The following SLIT3 variants were observed in gnomAD, a reference collection of about 807,000 sequenced individuals.
SLIT3 encodes slit homolog 3 protein.
Under a neutral mutation model 184.0 loss-of-function variants are expected in SLIT3, and 68 were observed. The ratio of observed to expected loss-of-function variants is 0.37; its 90% confidence interval spans 0.30 to 0.45. SLIT3 has a LOEUF of 0.45. SLIT3 is among the 20% of genes least tolerant of loss of function. The pLI is 1.00. For missense variants in SLIT3, 1,707 were observed against 2,026.0 expected (o/e 0.84, Z 3.02); for synonymous variants, 831 against 828.6 (o/e 1.00, Z -0.05).
At chr5:169,070,265 A>T (rs575403448) in intron 4 of SLIT3, among the ~76,000 whole-genome samples, 1 of 152,274 alleles carries the variant, frequency 6.6e-6, no homozygotes, top group East Asian at 1.9e-4. Flanking sequence ...TTGAAGGGGC[A>T]TCCTGGGGAA....
chr5:168,790,087 A>G (rs1756311086), intron 10 of SLIT3: 1 of 157,616 alleles, frequency 6.3e-6, no homozygotes, highest in South Asian at 1.9e-4. Context: ...TTTCTCCCAG[A>G]AAGTCCAGAG....
At chr5:169,119,901 C>G (rs1445340238) in intron 4 of SLIT3, 1 of 152,170 alleles carries the variant, frequency 6.6e-6, no homozygotes, top group East Asian at 1.9e-4. Context: ...ACAATCCTAT[C>G]AGAACCCTCA....
chr5:168,890,689 G>T (rs75171343), intron 4 of SLIT3, among the ~76,000 whole-genome samples: 1 of 152,190 alleles, frequency 6.6e-6, no homozygotes, highest in Non-Finnish European at 1.5e-5. Flanking sequence ...AGAAGTGGTA[G>T]AAGAATAGAT....
intron 4 of SLIT3, among the ~76,000 whole-genome samples, chr5:168,923,273 C>T (rs961718843): frequency 6.6e-6 from 1 of 152,058 alleles, no homozygotes. Flanking sequence ...CAGTTCTGGG[C>T]GTCAGTCTTG....
chr5:169,141,481 T>C (rs1489621858), intron 4 of SLIT3, among the ~76,000 whole-genome samples: 1 of 151,972 alleles, frequency 6.6e-6, no homozygotes, highest in African/African-American at 2.4e-5. Context: ...GGCTCATGCC[T>C]GTAATCCCAG....
At chr5:168,953,543 T>C (rs2113252168) in intron 4 of SLIT3, among the ~76,000 whole-genome samples, 1 of 152,334 alleles carries the variant, frequency 6.6e-6, no homozygotes, top group Non-Finnish European at 1.5e-5. Flanking sequence ...TTCTCCTCCG[T>C]AACGTGAAGC....
chr5:169,047,230 A>C (rs1453937323), intron 4 of SLIT3, among the ~76,000 whole-genome samples: 5 of 152,076 alleles, frequency 3.3e-5, no homozygotes, highest in African/African-American at 9.7e-5. Flanking sequence ...TCCTCCTGCA[A>C]CCATCCTCCT....
intron 4 of SLIT3, among the ~76,000 whole-genome samples, chr5:169,035,795 T>A (rs2113539951): frequency 6.6e-6 from 1 of 152,158 alleles, no homozygotes; most frequent in South Asian, 2.1e-4. Context: ...TACTAAGTAG[T>A]AAATCTGGAA....
intron 6 of SLIT3, among the ~76,000 whole-genome samples, chr5:168,828,815 T>C (rs926607618): frequency 3.3e-5 from 5 of 152,166 alleles, no homozygotes; most frequent in African/African-American, 4.8e-5. Context: ...CAGAGGAGTC[T>C]CATGCAAGTT....
chr5:169,235,757 G>A (rs1719743360), intron 3 of SLIT3, among the ~76,000 whole-genome samples: 2 of 152,206 alleles, frequency 1.3e-5, no homozygotes, highest in South Asian at 4.1e-4. Context: ...TCTCAATAGA[G>A]ATTTGTCTGA....
chr5:169,295,320 T>A (rs754369), intron 1 of SLIT3, among the ~76,000 whole-genome samples: 118,060 of 152,216 alleles, frequency 0.78, 46,160 homozygotes, highest in African/African-American at 0.88. Flanking sequence ...CCCAATGGGG[T>A]AGAGTCATCA....
chr5:168,911,102 C>T (rs878909968), intron 4 of SLIT3, among the ~76,000 whole-genome samples: 2 of 152,222 alleles, frequency 1.3e-5, no homozygotes, highest in Admixed American at 1.3e-4. Context: ...CCTCCTCTCT[C>T]TGCCTGTAAC....
Position 168,671,198 on chromosome 5 carries a change from C to A in SLIT3, c.4127G>T (p.Arg1376Ile). The change falls in exon 34 of 36, where the codon AGA becomes ATA. Residue 1376 changes from arginine to isoleucine, a missense_variant and splice_region_variant. Physicochemically the swap from Arg to Ile is moderately conservative, Grantham distance 97. This residue lies in a region of SLIT3 where 387 missense variants were observed against 477.9 expected (regional missense o/e 0.81). Coordinates refer to ENST00000519560, the MANE Select transcript of SLIT3 (RefSeq NM_003062.4). The stretch of plus-strand genomic sequence containing the variant: ...CAGCCAGGGCTCCTGGGACACTGAC[C>A]TGTGGCCGAGGCAGGGGTCCCGGGC... ...QEARDPCLGHRCHHGKCVATG... is the reference protein window; with the variant it reads ...QEARDPCLGHICHHGKCVATG... 1 of 1,605,510 alleles carries A rather than the reference C, an allele frequency of 6.2e-7. No individual in the cohort carries two copies. The highest frequency in any genetic ancestry group is 8.5e-7 in the Non-Finnish European group (1 of 1,174,476).
intron 14 of SLIT3, among the ~76,000 whole-genome samples, chr5:168,769,608 T>A (rs1469398827): frequency 6.6e-6 from 1 of 152,144 alleles, no homozygotes; most frequent in Admixed American, 6.5e-5. Flanking sequence ...CTTTGACACC[T>A]ATGCAGGGCT....
At chr5:169,072,556 GT>G (rs1320318090) in intron 4 of SLIT3, among the ~76,000 whole-genome samples, 1 of 152,214 alleles carries the variant, frequency 6.6e-6, no homozygotes, top group Non-Finnish European at 1.5e-5. Context: ...AGAGTCTCAG[GT>G]GGATCAAACA....
intron 4 of SLIT3, among the ~76,000 whole-genome samples, chr5:168,997,567 A>C (rs1052847403): frequency 6.6e-6 from 1 of 152,144 alleles, no homozygotes; most frequent in African/African-American, 2.4e-5. Context: ...GCTTTCTAGA[A>C]GCCTTGCCCC....
At chr5:168,678,686 A>C (rs372880136) in intron 32 of SLIT3, among the ~76,000 whole-genome samples, 247 of 152,256 alleles carry the variant, frequency 1.6e-3, no homozygotes, top group East Asian at 0.011. Flanking sequence ...CTGTCTCAAA[A>C]AAACAAACAA....
intron 28 of SLIT3, among the ~76,000 whole-genome samples, chr5:168,693,429 C>T (rs1582537121): frequency 6.6e-6 from 1 of 152,332 alleles, no homozygotes. Flanking sequence ...ACCTAACGGT[C>T]ATAAACACCC....
At chr5:168,696,930 G>T (rs1315349107) in intron 27 of SLIT3, among the ~76,000 whole-genome samples, 4 of 152,144 alleles carry the variant, frequency 2.6e-5, no homozygotes, top group Admixed American at 2.6e-4. Flanking sequence ...TAGTGGCCAA[G>T]GTCCCAGACT....
Sources: gnomAD v4.1 joint callset for allele counts (sites outside exome capture counted in the v4.1 genomes callset) on GRCh38, gnomAD v4.1.1 for gene constraint, gnomAD v4.1.1 regional missense constraint, MANE v1.5 for transcripts, NCBI Gene and HGNC (gene_info 2026-07-23, HGNC 2026-07-21) for gene names.